The following FNIP2 variants were observed in gnomAD, a reference collection of about 807,000 sequenced individuals.
FNIP2 encodes the protein folliculin-interacting protein 2.
FNIP2 carries 32 observed loss-of-function variants against 108.7 expected under a neutral mutation model. That is an observed-to-expected ratio of 0.29 (90% CI 0.22 to 0.40). The LOEUF is 0.40. Ranked by LOEUF, FNIP2 falls within the 10% of genes least tolerant of loss-of-function variation. The probability of loss-of-function intolerance (pLI) is 1.00; values close to 1 mark genes in which losing one functional copy is unlikely to be tolerated. For synonymous variants in FNIP2, 480 were observed against 496.7 expected, an observed-to-expected ratio of 0.97 and a Z score of 0.45; for missense variants, 1,202 against 1,381.6, an observed-to-expected ratio of 0.87 and a Z score of 2.06.
In FNIP2 at chr4:158,769,224, C is replaced by G. The variant is rs1227668859; in HGVS notation, c.12C>G (p.Thr4=). 5 of 1,495,512 alleles carry G rather than the reference C, an allele frequency of 3.3e-6. No individual in the cohort carries two copies. The Admixed American group carries it at 6.3e-5, about 19-fold the overall frequency. The allele number at this position is 1,495,512 out of a possible 1,614,324, so 92.6% of individuals were successfully genotyped here. A position where few individuals can be genotyped will look rare whatever the true frequency, so the allele number is the denominator to read the frequency against. Residue 4 remains threonine, a synonymous_variant, in exon 1 of 17, where the codon ACC becomes ACG. Coordinates refer to ENST00000264433, the MANE Select transcript of FNIP2 (RefSeq NM_020840.3). ...GCGGCGGCGGCATCATGGCCCCGAC[C>G]CTGCTCCAGAAGCTCTTCAACAAAA... MAP[T]LLQKLFNKRG... is the part of the protein sequence containing the mutation.
chr4:158,783,798 A>G (rs928763283), intron 1 of FNIP2, among the ~76,000 whole-genome samples: 2 of 152,188 alleles, frequency 1.3e-5, no homozygotes, highest in Non-Finnish European at 2.9e-5. Flanking sequence ...CCAGTTCCAG[A>G]GCCTGGACCA....
chr4:158,873,561 A>T (rs1781085778), intron 14 of FNIP2, among the ~76,000 whole-genome samples: 1 of 152,132 alleles, frequency 6.6e-6, no homozygotes, highest in African/African-American at 2.4e-5. Flanking sequence ...TCATTGAGAG[A>T]TTGCTTTGTA....
intron 1 of FNIP2, among the ~76,000 whole-genome samples, chr4:158,818,102 C>CT (rs1273039114): frequency 6.6e-6 from 1 of 152,206 alleles, no homozygotes; most frequent in Non-Finnish European, 1.5e-5. Flanking sequence ...GAAATTCTGT[C>CT]TTTTCCTCTC....
At chr4:158,856,532 G>A (rs572194261) in intron 8 of FNIP2, among the ~76,000 whole-genome samples, 8 of 152,308 alleles carry the variant, frequency 5.3e-5, no homozygotes, top group East Asian at 3.9e-4. Context: ...CAGGGCTGTC[G>A]GTTGATCAGA....
chr4:158,851,420 C>G lies in FNIP2; in HGVS notation c.827C>G (p.Thr276Arg). The G allele has an allele frequency of 4.3e-6, 7 of 1,613,920 alleles. No homozygotes were observed. Among genetic ancestry groups the G allele is most frequent in the Non-Finnish European group, 5.9e-6 (7 of 1,179,864 alleles). Residue 276 changes from threonine (T) to arginine (R), a missense_variant, in exon 8 of 17, where the codon ACA becomes AGA. Transcript: ENST00000264433. ...CGCCGCTGGCTTCGAAGTCAGACAA[C>G]AAGTTTGGAAAATGGCATCATCCCA... ...YQRRWLRSQT[T>R]SLENGIIPRR...
intron 12 of FNIP2, among the ~76,000 whole-genome samples, chr4:158,866,461 G>A (rs1004322492): frequency 1.0e-3 from 149 of 148,644 alleles, no homozygotes; most frequent in African/African-American, 3.4e-3. Flanking sequence ...CAAGTGATCC[G>A]CCCACCTCGG....
At chr4:158,898,632 CTCTG>C (rs1240147237) in intron 16 of FNIP2, among the ~76,000 whole-genome samples, 15 of 152,126 alleles carry the variant, frequency 9.9e-5, no homozygotes, top group South Asian at 2.1e-4. Context: ...TGATTTGGCT[CTCTG>C]TCTGTTATTG....
intron 1 of FNIP2, among the ~76,000 whole-genome samples, chr4:158,813,736 C>G (rs1300118217): frequency 1.3e-5 from 2 of 152,190 alleles, no homozygotes; most frequent in African/African-American, 2.4e-5. Flanking sequence ...GGTGTTGTAT[C>G]TGAGAATCCT....
intron 1 of FNIP2, among the ~76,000 whole-genome samples, chr4:158,800,891 C>T (rs987855091): frequency 1.3e-5 from 2 of 152,142 alleles, no homozygotes; most frequent in South Asian, 4.1e-4. Flanking sequence ...GGTGCCTTCT[C>T]TCTGTGCTCT....
intron 7 of FNIP2, among the ~76,000 whole-genome samples, chr4:158,841,031 ACT>A (rs1207093888): frequency 1.3e-5 from 2 of 152,158 alleles, no homozygotes; most frequent in African/African-American, 4.8e-5. Flanking sequence ...TGTTTTGGTC[ACT>A]CTGCAGATAC....
intron 14 of FNIP2, among the ~76,000 whole-genome samples, chr4:158,885,580 A>G (rs947582802): frequency 6.6e-6 from 1 of 152,220 alleles, no homozygotes; most frequent in Non-Finnish European, 1.5e-5. Context: ...CATGGTCAAT[A>G]CAGAGAGAGG....
At chr4:158,829,714 G>T (rs1339531746) in intron 3 of FNIP2, among the ~76,000 whole-genome samples, 1 of 130,816 alleles carries the variant, frequency 7.6e-6, no homozygotes, top group Non-Finnish European at 1.6e-5. Context: ...TGTGTGGGGT[G>T]TGTGTGTGTG....
intron 14 of FNIP2, among the ~76,000 whole-genome samples, chr4:158,890,674 G>C (rs1433619469): frequency 6.6e-6 from 1 of 152,176 alleles, no homozygotes; most frequent in Non-Finnish European, 1.5e-5. Flanking sequence ...AGGAATATTA[G>C]GAATGTATAG....
intron 8 of FNIP2, among the ~76,000 whole-genome samples, chr4:158,856,579 A>G (rs923504570): frequency 4.6e-5 from 7 of 152,236 alleles, no homozygotes; most frequent in African/African-American, 1.7e-4. Context: ...TCTGCGTGGC[A>G]TGATGCATTG....
intron 14 of FNIP2, among the ~76,000 whole-genome samples, chr4:158,887,090 C>T (rs1374428790): frequency 1.3e-5 from 2 of 152,146 alleles, no homozygotes; most frequent in South Asian, 2.1e-4. Flanking sequence ...AGGCATGCCC[C>T]ACCTTCCTAT....
chr4:158,850,717 C>T (rs957669059), intron 7 of FNIP2, among the ~76,000 whole-genome samples: 15 of 148,292 alleles, frequency 1.0e-4, no homozygotes, highest in African/African-American at 3.0e-4. Context: ...ACTTATTTGC[C>T]TAATTTTACC....
At chr4:158,777,679 C>T (rs1775903997) in intron 1 of FNIP2, among the ~76,000 whole-genome samples, 1 of 152,046 alleles carries the variant, frequency 6.6e-6, no homozygotes, top group South Asian at 2.1e-4. Flanking sequence ...AGAGATGGAC[C>T]CCTGGTAGCC....
At position 158,769,315 on chromosome 4, in the gene FNIP2, T is replaced by C. The variant is rs1324689040; in HGVS notation, c.103T>C (p.Phe35Leu). ...CAGGGCTCCTAAGGAAGGACCCGCCTTTAGGTGAGGGGGCGCCGGGGGGCA... is the reference window on the plus strand; with the variant it reads ...CAGGGCTCCTAAGGAAGGACCCGCCCTTAGGTGAGGGGGCGCCGGGGGGCA... ...QGRAPKEGPA[F>L]SWSCSEFDLN... Residue 35 changes from phenylalanine (F) to leucine (L), a missense_variant, in exon 1 of 17, where the codon TTT becomes CTT. Physicochemically the swap from Phe to Leu is conservative, Grantham distance 22. This residue lies in a region of FNIP2 where 173 missense variants were observed against 165.9 expected (regional missense o/e 1.04). Coordinates refer to ENST00000264433, the MANE Select transcript of FNIP2 (RefSeq NM_020840.3). 2 of 1,500,342 alleles carry C rather than the reference T, an allele frequency of 1.3e-6. No homozygotes were observed. Among genetic ancestry groups the C allele is most frequent in the Non-Finnish European group, 1.8e-6 (2 of 1,124,558 alleles). The allele number at this position is 1,500,342 out of a possible 1,614,324, so 92.9% of individuals were successfully genotyped here. A position where few individuals can be genotyped will look rare whatever the true frequency, so the allele number is the denominator to read the frequency against.
chr4:158,901,387 G>A (rs1729249953), intron 16 of FNIP2, among the ~76,000 whole-genome samples: 1 of 151,934 alleles, frequency 6.6e-6, no homozygotes, highest in Non-Finnish European at 1.5e-5. Context: ...TCCCTTTGTG[G>A]GTAACCTGAC....
Sources: gnomAD v4.1 joint callset for allele counts (sites outside exome capture counted in the v4.1 genomes callset) on GRCh38, gnomAD v4.1.1 for gene constraint, gnomAD v4.1.1 regional missense constraint, MANE v1.5 for transcripts, NCBI Gene and HGNC (gene_info 2026-07-23, HGNC 2026-07-21) for gene names.